Variants in EPHA5 observed in about 807,000 individuals in gnomAD.
EPHA5 encodes the protein EPH receptor A5.
In EPHA5, 60 loss-of-function variants were observed where a neutral mutation model predicts 105.0. The ratio of observed to expected loss-of-function variants is 0.57; its 90% CI spans 0.46 to 0.71. The LOEUF is 0.71. Ranked by LOEUF, EPHA5 falls within the 30% of genes least tolerant of loss-of-function variation. EPHA5 has a pLI of 0.00. For missense variants in EPHA5, 1,218 were observed against 1,274.7 expected, an observed-to-expected ratio of 0.96 and a Z score of 0.68; for synonymous variants, 513 against 449.1, an observed-to-expected ratio of 1.14 and a Z score of -1.80.
chr4:65,469,374 G>A (rs1729066389), intron 5 of EPHA5, among the ~76,000 whole-genome samples: 2 of 152,132 alleles, frequency 1.3e-5, no homozygotes, highest in African/African-American at 4.8e-5. Flanking sequence ...CTATTAACTA[G>A]GGTGCGAAAT....
intron 5 of EPHA5, among the ~76,000 whole-genome samples, chr4:65,438,978 A>G (rs1725756348): frequency 6.6e-6 from 1 of 152,168 alleles, no homozygotes; most frequent in African/African-American, 2.4e-5. Context: ...CACTCTACAC[A>G]ATGACTTAAC....
chr4:65,369,049 C>A (rs117453007), intron 8 of EPHA5, among the ~76,000 whole-genome samples: 1 of 152,248 alleles, frequency 6.6e-6, no homozygotes, highest in East Asian at 1.9e-4. Flanking sequence ...CATTTGAGTG[C>A]GCTTGTTGGC....
chr4:65,348,748 C>CAT (rs10633854), intron 13 of EPHA5, among the ~76,000 whole-genome samples: 22,856 of 72,320 alleles, frequency 0.32, 4,650 homozygotes, highest in East Asian at 0.39. Flanking sequence ...TATGTGTGTG[C>CAT]ATATATATAT....
intron 5 of EPHA5, among the ~76,000 whole-genome samples, chr4:65,464,192 C>A (rs1012595048): frequency 1.3e-5 from 2 of 151,738 alleles, no homozygotes; most frequent in Non-Finnish European, 1.5e-5. Flanking sequence ...TGTAGGAGTT[C>A]ACAAATTTGA....
chr4:65,367,768 C>T (rs1223152717), intron 8 of EPHA5, among the ~76,000 whole-genome samples: 3 of 151,914 alleles, frequency 2.0e-5, no homozygotes, highest in Non-Finnish European at 4.4e-5. Flanking sequence ...AAGCCACTGC[C>T]TCTTTCTGAA....
At chr4:65,572,203 GC>G (rs1450887607) in intron 3 of EPHA5, among the ~76,000 whole-genome samples, 1 of 151,908 alleles carries the variant, frequency 6.6e-6, no homozygotes, top group Non-Finnish European at 1.5e-5. Context: ...TTTCTCATTA[GC>G]TTAATTATTA....
chr4:65,585,569 T>C (rs868571945), intron 3 of EPHA5, among the ~76,000 whole-genome samples: 3 of 151,790 alleles, frequency 2.0e-5, no homozygotes, highest in South Asian at 2.1e-4. Context: ...AATGGCAGGA[T>C]ACAAATAAAA....
chr4:65,566,492 C>G (rs1005722372), intron 3 of EPHA5, among the ~76,000 whole-genome samples: 1 of 151,736 alleles, frequency 6.6e-6, no homozygotes, highest in Admixed American at 6.6e-5. Context: ...TTTGCTAAAT[C>G]AATTTCACGC....
chr4:65,611,349 T>C (rs1401346356), intron 2 of EPHA5, among the ~76,000 whole-genome samples: 2 of 152,150 alleles, frequency 1.3e-5, no homozygotes, highest in Non-Finnish European at 2.9e-5. Flanking sequence ...CTGTTATAGA[T>C]AGCTGTAAAT....
chr4:65,510,134 A>G (rs1336003251), intron 3 of EPHA5, among the ~76,000 whole-genome samples: 1 of 150,040 alleles, frequency 6.7e-6, no homozygotes, highest in African/African-American at 2.5e-5. Context: ...TCCCGAGTTC[A>G]AGTGATTCTC....
intron 5 of EPHA5, among the ~76,000 whole-genome samples, chr4:65,486,667 A>G (rs1730910651): frequency 6.6e-6 from 1 of 152,212 alleles, no homozygotes; most frequent in African/African-American, 2.4e-5. Context: ...TTAATTCTTA[A>G]AAGATATTTA....
At chr4:65,367,556 G>T in intron 8 of EPHA5, 132 bp from the exon 9 acceptor site, 1 of 737,480 alleles carries the variant, frequency 1.4e-6, no homozygotes, top group Non-Finnish European at 2.3e-6. Flanking sequence ...TTGGAATGAT[G>T]CCAATACTAG....
Position 65,320,718 on chromosome 4 carries a change from C to G in EPHA5, c.*3396G>C, listed in dbSNP as rs1577795432. The G allele has an allele frequency of 4.3e-6, 1 of 230,190 alleles. No individual in the cohort carries two copies. The highest frequency in any genetic ancestry group is 6.1e-5 in the East Asian group (1 of 16,290). 14.3% of individuals were successfully genotyped at this position (230,190 alleles called of 1,614,324 possible). Reference sequence around the variant, plus strand: ...CACATAAGTGCTCAAATGATATTAACTTTCCATTTTAAACTTGAAACATGA... The same window carrying G: ...CACATAAGTGCTCAAATGATATTAAGTTTCCATTTTAAACTTGAAACATGA... On this transcript the variant is annotated 3_prime_UTR_variant, in exon 17 of 17. Transcript: ENST00000613740.
At chr4:65,470,206 T>TG (rs1251833140) in intron 5 of EPHA5, among the ~76,000 whole-genome samples, 127 of 150,614 alleles carry the variant, frequency 8.4e-4, no homozygotes, top group East Asian at 6.5e-3. Flanking sequence ...TTTTTTTTTT[T>TG]TCTTGAGACA....
rs1455289858 is a variant in EPHA5, at chr4:65,322,581, A to G, written c.*1533T>C. The G allele has an allele frequency of 1.3e-5, 3 of 224,214 alleles. No homozygotes were observed. Among genetic ancestry groups the G allele is most frequent in the Non-Finnish European group, 2.7e-5 (3 of 112,446 alleles). The allele number at this position is 224,214 out of a possible 1,614,324, so 13.9% of individuals were successfully genotyped here. A position where few individuals can be genotyped will look rare whatever the true frequency, so the allele number is the denominator to read the frequency against. ...AGCTCAGTTTTGGACAATTTCTAATACACTGCATAATTTGTATCACAAATA... is the reference window on the plus strand; with the variant it reads ...AGCTCAGTTTTGGACAATTTCTAATGCACTGCATAATTTGTATCACAAATA... On this transcript the variant is annotated 3_prime_UTR_variant, in exon 17 of 17. Transcript: ENST00000613740.
At chr4:65,346,337 A>T (rs1352179269) in intron 14 of EPHA5, among the ~76,000 whole-genome samples, 2 of 151,908 alleles carry the variant, frequency 1.3e-5, no homozygotes, top group Non-Finnish European at 2.9e-5. Context: ...GCATTTTTCA[A>T]CACATAAATT....
At chr4:65,574,209 C>A (rs1578462570) in intron 3 of EPHA5, 1 of 1,603,690 alleles carries the variant, frequency 6.2e-7, no homozygotes, top group African/African-American at 1.3e-5. Context: ...CAAGATTGAT[C>A]AGAAAGCTGT....
At chr4:65,435,374 C>A (rs772098129) in intron 5 of EPHA5, among the ~76,000 whole-genome samples, 2 of 152,034 alleles carry the variant, frequency 1.3e-5, no homozygotes, top group African/African-American at 2.4e-5. Flanking sequence ...TTCTTGAAGG[C>A]ATACAAAATA....
intron 3 of EPHA5, among the ~76,000 whole-genome samples, chr4:65,530,181 G>GA (rs1415089868): frequency 8.6e-5 from 13 of 151,962 alleles, no homozygotes; most frequent in East Asian, 1.9e-4. Flanking sequence ...AACTTTTATA[G>GA]AAAAAATATA....
Sources: gnomAD v4.1 joint callset for allele counts (sites outside exome capture counted in the v4.1 genomes callset) on GRCh38, gnomAD v4.1.1 for gene constraint, MANE v1.5 for transcripts, NCBI Gene and HGNC (gene_info 2026-07-23, HGNC 2026-07-21) for gene names.